XRCC5: variants seen among roughly 807,000 people sequenced by gnomAD.
XRCC5 encodes DNA repair protein Ku80.
A neutral mutation model predicts 95.7 loss-of-function variants in XRCC5; 12 were observed. That is an observed-to-expected ratio of 0.13 (90% confidence interval 0.08 to 0.20). The LOEUF (loss-of-function observed/expected upper bound fraction) is 0.20. XRCC5 is among the 10% of genes least tolerant of loss of function. The probability of loss-of-function intolerance (pLI) is 1.00; values close to 1 mark genes in which losing one functional copy is unlikely to be tolerated. For synonymous variants in XRCC5, 281 were observed against 290.3 expected (o/e 0.97, Z 0.33); for missense variants, 595 against 873.9 (o/e 0.68, Z 4.02).
At chr2:216,143,770 T>G (rs1275891181) in intron 13 of XRCC5, among the ~76,000 whole-genome samples, 1 of 151,364 alleles carries the variant, frequency 6.6e-6, no homozygotes, top group Non-Finnish European at 1.5e-5. Flanking sequence ...TGCAGTGGCG[T>G]GATCTTGGCT....
intron 6 of XRCC5, 41 bp downstream of exon 6, chr2:216,122,294 C>G: frequency 6.4e-7 from 1 of 1,551,896 alleles, no homozygotes; most frequent in Middle Eastern, 2.1e-4. Flanking sequence ...TAATTGTACC[C>G]ACGTAAATTT....
chr2:216,124,957 C>G (rs1696879393), intron 6 of XRCC5, among the ~76,000 whole-genome samples: 1 of 152,184 alleles, frequency 6.6e-6, no homozygotes, highest in Non-Finnish European at 1.5e-5. Flanking sequence ...CACCTCTCCC[C>G]AGCTTTTCCC....
Position 216,158,769 on chromosome 2 carries a change from G to A in XRCC5, c.1671-1299G>A, listed in dbSNP as rs41301690. 7.5e-3 allele frequency among the ~76,000 whole-genome samples: 1,143 copies of A among 152,298 alleles called. 53 individuals carry two copies. The East Asian group carries it at 0.13, about 17-fold the overall frequency. ...ATAGTGAAAATTTTAATTCATGGAT[G>A]TATGGCTGTGATGATTACTTTAGTT... On this transcript the variant is annotated intron_variant, in intron 14 of 20. Transcript: ENST00000392132.
chr2:216,119,133 C>T lies in XRCC5; in HGVS notation c.459C>T (p.Ser153=). 1 of 1,614,114 alleles carries T rather than the reference C, an allele frequency of 6.2e-7. No individual in the cohort carries two copies. The highest frequency in any genetic ancestry group is 1.1e-5 in the South Asian group (1 of 91,080). Residue 153 remains serine (S), a synonymous_variant, in exon 5 of 21, where the codon AGC becomes AGT. Coordinates refer to ENST00000392132, the MANE Select transcript of XRCC5 (RefSeq NM_021141.4). The part of the protein sequence containing the change: ...SKSQLDIIIH[S]LKKCDISLQF... ...GTCAGCTGGATATTATAATTCATAGCTTGAAGAAATGTGACATCTCCCTGC... is the reference window on the plus strand; with the variant it reads ...GTCAGCTGGATATTATAATTCATAGTTTGAAGAAATGTGACATCTCCCTGC...
At chr2:216,183,126 A>G (rs990181112) in intron 16 of XRCC5, among the ~76,000 whole-genome samples, 1 of 152,192 alleles carries the variant, frequency 6.6e-6, no homozygotes, top group Non-Finnish European at 1.5e-5. Context: ...CCACTACCAT[A>G]TTTGTTACAC....
chr2:216,175,250 C>T (rs1363466600), intron 16 of XRCC5: 3 of 414,924 alleles, frequency 7.2e-6, no homozygotes, highest in East Asian at 1.2e-4. Flanking sequence ...TCCACCATTA[C>T]ACCCTCCATA....
intron 14 of XRCC5, among the ~76,000 whole-genome samples, chr2:216,154,299 ACTTT>A (rs1682012498): frequency 6.6e-6 from 1 of 152,152 alleles, no homozygotes; most frequent in African/African-American, 2.4e-5. Context: ...AAGGGATCAA[ACTTT>A]CTTCAGGCTT....
rs748711922 is a variant in XRCC5 at position 216,205,220 on chromosome 2, A to C, written c.*18A>C. ...TGATATAGGTCGTGGATGTATGGGG[A>C]ATCTAAGAGAGCTGCCATCGCTGTG... On this transcript the variant is annotated 3_prime_UTR_variant, in exon 21 of 21. Coordinates refer to ENST00000392132, the MANE Select transcript of XRCC5 (RefSeq NM_021141.4). 6.2e-7 allele frequency: 1 copy of C among 1,613,946 alleles called. No individual in the cohort carries two copies. The highest frequency in any genetic ancestry group is 1.7e-5 in the Admixed American group (1 of 60,006).
rs143232624 is a variant in XRCC5 at position 216,187,861 on chromosome 2, T to TCTCTCTCTCCCCC, written c.1835-2363_1835-2362insTCTCTCTCCCCCC. 2.6e-4 allele frequency among the ~76,000 whole-genome samples: 30 copies of TCTCTCTCTCCCCC among 116,260 alleles called. 4 individuals are homozygous for TCTCTCTCTCCCCC. The highest frequency in any genetic ancestry group is 1.2e-3 in the African/African-American group (29 of 23,894). 76.3% of individuals were successfully genotyped at this position (116,260 alleles called of 152,430 possible). ...CTCTCTCTCTCTCTCTCTCTCTCTC[T>TCTCTCTCTCCCCC]CCCCGTCTCCCTGTCTCTCCCTCTC... On this transcript the variant is annotated intron_variant, in intron 16 of 20. Coordinates refer to ENST00000392132, the MANE Select transcript of XRCC5 (RefSeq NM_021141.4).
chr2:216,136,297 G>A (rs1001139062), intron 10 of XRCC5, among the ~76,000 whole-genome samples: 6 of 150,904 alleles, frequency 4.0e-5, no homozygotes, highest in South Asian at 2.1e-4. Context: ...TGGAGGTTGC[G>A]GTGAGCTGAG....
intron 14 of XRCC5, among the ~76,000 whole-genome samples, chr2:216,152,272 A>G (rs891892815): frequency 3.3e-5 from 5 of 152,234 alleles, no homozygotes; most frequent in Admixed American, 1.3e-4. Flanking sequence ...CCCTGTCTCC[A>G]CACAAAAAAA....
chr2:216,182,114 TC>T (rs1559259261), intron 16 of XRCC5, among the ~76,000 whole-genome samples: 1 of 152,148 alleles, frequency 6.6e-6, no homozygotes, highest in East Asian at 1.9e-4. Flanking sequence ...GTGTGCTGCC[TC>T]CCCCTTGTCC....
At chr2:216,165,633 C>T (rs1340786296) in intron 16 of XRCC5, among the ~76,000 whole-genome samples, 2 of 152,166 alleles carry the variant, frequency 1.3e-5, no homozygotes, top group Non-Finnish European at 2.9e-5. Context: ...GTTCTCCCTC[C>T]CTAGTAGTGG....
At chr2:216,135,715 C>T (rs1237168290) in intron 10 of XRCC5, among the ~76,000 whole-genome samples, 7 of 151,836 alleles carry the variant, frequency 4.6e-5, no homozygotes. Context: ...ACAAACATTG[C>T]TTGAACGGGG....
intron 14 of XRCC5, among the ~76,000 whole-genome samples, chr2:216,151,943 G>A (rs1200834673): frequency 1.3e-5 from 2 of 152,180 alleles, no homozygotes; most frequent in African/African-American, 2.4e-5. Context: ...GGCAGAAGGC[G>A]AGGGAGAAGC....
chr2:216,203,363 C>T (rs898136202), intron 19 of XRCC5, among the ~76,000 whole-genome samples: 3 of 152,188 alleles, frequency 2.0e-5, no homozygotes, highest in Non-Finnish European at 2.9e-5. Flanking sequence ...AGGCATGCTA[C>T]CAGAAAATCA....
At chr2:216,191,705 C>T (rs1359343965) in intron 17 of XRCC5, among the ~76,000 whole-genome samples, 1 of 152,058 alleles carries the variant, frequency 6.6e-6, no homozygotes, top group African/African-American at 2.4e-5. Flanking sequence ...GCCACTGCGC[C>T]CGGCCAAGGG....
intron 17 of XRCC5, among the ~76,000 whole-genome samples, chr2:216,190,745 G>A (rs2106047217): frequency 6.6e-6 from 1 of 152,192 alleles, no homozygotes; most frequent in South Asian, 2.1e-4. Context: ...GACAGGAGTA[G>A]GGATCTAAAT....
At chr2:216,129,717 A>G (rs191631505) in intron 8 of XRCC5, among the ~76,000 whole-genome samples, 1 of 152,354 alleles carries the variant, frequency 6.6e-6, no homozygotes, top group African/African-American at 2.4e-5. Flanking sequence ...TCTGTCGCCC[A>G]GACTGGAGTA....
Sources: gnomAD v4.1 joint callset for allele counts (sites outside exome capture counted in the v4.1 genomes callset) on GRCh38, gnomAD v4.1.1 for gene constraint, MANE v1.5 for transcripts, NCBI Gene and HGNC (gene_info 2026-07-23, HGNC 2026-07-21) for gene names.